NEGR1: variants seen among roughly 807,000 people sequenced by gnomAD.
NEGR1 encodes IgLON family member 4.
In NEGR1, 10 loss-of-function variants were observed where a neutral mutation model predicts 40.9. The observed-to-expected ratio is 0.24, with a 90% CI of 0.15 to 0.42. The LOEUF is 0.42. NEGR1 is among the 10% of genes least tolerant of loss of function. NEGR1 has a pLI of 1.00. For synonymous variants in NEGR1, 185 were observed against 166.8 expected (o/e 1.11, Z -0.84); for missense variants, 352 against 438.9 (o/e 0.80, Z 1.77).
In NEGR1 at chr1:71,596,174, C is replaced by A. The variant is rs562956421; in HGVS notation, c.789-3206G>T. Among the ~76,000 whole-genome samples, 30 of 152,122 alleles carry A rather than the reference C, an allele frequency of 2.0e-4. 1 individual carries two copies. The highest frequency in any genetic ancestry group is 4.2e-4 in the South Asian group (2 of 4,818). Reference sequence around the variant, plus strand: ...AATACCTGGTCATTTTTCTTCATTGCGTTTTTATCATAGGGAATATAGTTA... The same window carrying A: ...AATACCTGGTCATTTTTCTTCATTGAGTTTTTATCATAGGGAATATAGTTA... On this transcript the variant is annotated intron_variant, in intron 5 of 6. Transcript: ENST00000357731.
intron 1 of NEGR1, among the ~76,000 whole-genome samples, chr1:72,168,005 AT>A (rs10633272): frequency 2.2e-3 from 305 of 139,678 alleles, no homozygotes; most frequent in Middle Eastern, 7.4e-3. Flanking sequence ...TATTATTATT[AT>A]TTTTTTTTTT....
At chr1:71,538,641 T>C (rs1647587906) in intron 6 of NEGR1, among the ~76,000 whole-genome samples, 2 of 151,750 alleles carry the variant, frequency 1.3e-5, no homozygotes, top group African/African-American at 4.8e-5. Flanking sequence ...AGGTTACCCT[T>C]ACTTTTCACC....
At chr1:72,205,195 G>C (rs1653349207) in intron 1 of NEGR1, among the ~76,000 whole-genome samples, 2 of 151,750 alleles carry the variant, frequency 1.3e-5, no homozygotes. Flanking sequence ...TATTATCCAG[G>C]GTCAACTTGT....
intron 1 of NEGR1, among the ~76,000 whole-genome samples, chr1:72,118,861 C>T (rs957504709): frequency 6.6e-6 from 1 of 151,106 alleles, no homozygotes; most frequent in Non-Finnish European, 1.5e-5. Flanking sequence ...TATTTTCAAC[C>T]AAATTTTAAA....
At chr1:71,605,093 T>C (rs1457069999) in intron 5 of NEGR1, among the ~76,000 whole-genome samples, 1 of 152,142 alleles carries the variant, frequency 6.6e-6, no homozygotes, top group Non-Finnish European at 1.5e-5. Flanking sequence ...CGGTTGCAGC[T>C]AAAAAATTCC....
At chr1:72,152,962 T>C (rs754404993) in intron 1 of NEGR1, among the ~76,000 whole-genome samples, 5 of 151,714 alleles carry the variant, frequency 3.3e-5, no homozygotes, top group African/African-American at 7.3e-5. Context: ...ATGGAAACAA[T>C]AGACACTGGA....
At chr1:72,273,872 A>G (rs2100562057) in intron 1 of NEGR1, among the ~76,000 whole-genome samples, 1 of 151,712 alleles carries the variant, frequency 6.6e-6, no homozygotes, top group South Asian at 2.1e-4. Flanking sequence ...TTCTTCACTT[A>G]CCCTTCCATT....
intron 1 of NEGR1, among the ~76,000 whole-genome samples, chr1:72,070,038 C>A (rs1647396859): frequency 6.6e-6 from 1 of 151,902 alleles, no homozygotes; most frequent in Admixed American, 6.6e-5. Context: ...TAATCTATAA[C>A]CCAGGATAAT....
intron 4 of NEGR1, among the ~76,000 whole-genome samples, chr1:71,676,208 A>G (rs1013314308): frequency 6.6e-6 from 1 of 152,170 alleles, no homozygotes; most frequent in Non-Finnish European, 1.5e-5. Context: ...GTGTGTGAAC[A>G]TACTGTGAAT....
intron 2 of NEGR1, among the ~76,000 whole-genome samples, chr1:71,847,729 C>CA (rs1659468742): frequency 6.6e-6 from 1 of 152,156 alleles, no homozygotes. Context: ...TAATACCCTA[C>CA]AATGACCTCT....
intron 1 of NEGR1, among the ~76,000 whole-genome samples, chr1:72,026,935 G>GA (rs1553131888): frequency 6.6e-6 from 1 of 151,242 alleles, no homozygotes; most frequent in Non-Finnish European, 1.5e-5. Flanking sequence ...TTGTTTTTTG[G>GA]TTTTTTTTGA....
intron 2 of NEGR1, among the ~76,000 whole-genome samples, chr1:71,863,335 A>C (rs1239481454): frequency 3.9e-5 from 6 of 152,150 alleles, no homozygotes; most frequent in Non-Finnish European, 7.3e-5. Flanking sequence ...ATTATCAGCA[A>C]ACTAATGCAG....
chr1:72,122,672 C>T (rs1649848335), intron 1 of NEGR1, among the ~76,000 whole-genome samples: 1 of 151,798 alleles, frequency 6.6e-6, no homozygotes, highest in Non-Finnish European at 1.5e-5. Context: ...ATCAGCATGT[C>T]ATAAAATGGA....
chr1:71,880,906 G>A (rs1037198072), intron 2 of NEGR1, among the ~76,000 whole-genome samples: 15 of 151,924 alleles, frequency 9.9e-5, no homozygotes, highest in African/African-American at 3.4e-4. Flanking sequence ...GATTTCTGAC[G>A]TGAAATTTGG....
intron 2 of NEGR1, among the ~76,000 whole-genome samples, chr1:71,911,095 A>T (rs548091090): frequency 2.6e-5 from 4 of 152,300 alleles, no homozygotes; most frequent in South Asian, 2.1e-4. Flanking sequence ...TCTATTTTTT[A>T]TTGAAATCAC....
At chr1:72,220,911 A>G (rs1653990567) in intron 1 of NEGR1, among the ~76,000 whole-genome samples, 1 of 83,104 alleles carries the variant, frequency 1.2e-5, no homozygotes, top group Non-Finnish European at 2.2e-5. Context: ...CTACCTACCT[A>G]AAGTTTTTTT....
At chr1:72,122,046 T>C (rs1008641540) in intron 1 of NEGR1, among the ~76,000 whole-genome samples, 2 of 152,034 alleles carry the variant, frequency 1.3e-5, no homozygotes, top group Admixed American at 6.6e-5. Context: ...CCCTAAAATA[T>C]GCATAATTAC....
At chr1:71,564,672 A>C (rs1282253422) in intron 6 of NEGR1, among the ~76,000 whole-genome samples, 1 of 152,126 alleles carries the variant, frequency 6.6e-6, no homozygotes, top group East Asian at 1.9e-4. Flanking sequence ...ATTTTTTATA[A>C]ATGACTATGT....
At chr1:71,464,720 G>T (rs574299947) in intron 6 of NEGR1, among the ~76,000 whole-genome samples, 1 of 152,144 alleles carries the variant, frequency 6.6e-6, no homozygotes, top group African/African-American at 2.4e-5. Flanking sequence ...ACTCATCTGG[G>T]AAAATATGCT....
Sources: allele counts gnomAD v4.1 joint callset (sites outside exome capture counted in the v4.1 genomes callset), GRCh38; gene constraint gnomAD v4.1.1; transcripts MANE v1.5; gene names NCBI Gene and HGNC (gene_info 2026-07-23, HGNC 2026-07-21).